Variants in TSC22D2 observed in about 807,000 individuals in gnomAD.
The protein encoded by TSC22D2 is TSC22 domain family protein 2.
In TSC22D2, 5 loss-of-function variants were observed where a neutral mutation model predicts 50.1. That is an observed-to-expected ratio of 0.10 (90% CI 0.05 to 0.21). The LOEUF is 0.21. Ranked by LOEUF, TSC22D2 falls within the 10% of genes least tolerant of loss-of-function variation. The pLI, the probability that TSC22D2 is intolerant of heterozygous loss-of-function variation, is 1.00. For synonymous variants in TSC22D2, 501 were observed against 450.1 expected (o/e 1.11, Z -1.43); for missense variants, 1,003 against 1,015.5 (o/e 0.99, Z 0.17).
chr3:150,438,430 G>A, intron 1 of TSC22D2: 1 of 186,240 alleles, frequency 5.4e-6, no homozygotes, highest in Non-Finnish European at 1.2e-5. Context: ...TGAACAAAAT[G>A]AGCACATTGT....
chr3:150,408,667 G>C lies in TSC22D2; in HGVS notation c.-684G>C, dbSNP rs1388167928. The C allele has an allele frequency of 1.3e-5, 2 of 152,470 alleles. No individual in the cohort carries two copies. The highest frequency in any genetic ancestry group is 4.8e-5 in the African/African-American group (2 of 41,442). The allele number at this position is 152,470 out of a possible 1,614,324, so 9.4% of individuals were successfully genotyped here. ...GAGCGGGTTTCCGCCTGAGGCAGTC[G>C]ACATGTCCCTGGGGCTGAGCTCCGG... On this transcript the variant is annotated 5_prime_UTR_variant, in exon 1 of 3. Transcript: ENST00000688009.
chr3:150,443,488 G>A (rs933927620), intron 1 of TSC22D2, among the ~76,000 whole-genome samples: 18 of 152,192 alleles, frequency 1.2e-4, no homozygotes, highest in African/African-American at 3.6e-4. Context: ...TCACAAGGAC[G>A]TTTCTCTACT....
chr3:150,442,491 C>T (rs2108090809), intron 1 of TSC22D2, among the ~76,000 whole-genome samples: 1 of 152,306 alleles, frequency 6.6e-6, no homozygotes, highest in South Asian at 2.1e-4. Flanking sequence ...ACTCCTAAGT[C>T]AGTGTTTCTT....
At chr3:150,422,919 G>A in intron 1 of TSC22D2, 1 of 598,054 alleles carries the variant, frequency 1.7e-6, no homozygotes, top group Non-Finnish European at 2.8e-6. Context: ...AACTTATGTG[G>A]TTTTAAAATC....
At chr3:150,454,922 T>C (rs928910754) in intron 1 of TSC22D2, among the ~76,000 whole-genome samples, 11 of 152,122 alleles carry the variant, frequency 7.2e-5, no homozygotes, top group African/African-American at 2.7e-4. Flanking sequence ...TATTCTTCCT[T>C]AGCTATGGGA....
In TSC22D2 at chr3:150,409,977, C is replaced by T; in HGVS notation, c.627C>T (p.Asp209=). ...GDCIRHSSTF[D]QTAERDSGLG... ...GCATTAGACACAGCAGTACTTTTGA[C>T]CAGACTGCGGAGCGGGACAGCGGCC... Residue 209 remains aspartate (D), a synonymous_variant, in exon 1 of 3, where the codon GAC becomes GAT. Coordinates refer to ENST00000688009, the MANE Select transcript of TSC22D2 (RefSeq NM_001303264.2). The surrounding 1 kb of genome is among the most constrained non-coding windows in gnomAD (Gnocchi z 7.4). 6.2e-7 allele frequency: 1 copy of T among 1,613,898 alleles called. No individual in the cohort carries two copies. Among genetic ancestry groups the T allele is most frequent in the Non-Finnish European group, 8.5e-7 (1 of 1,180,040 alleles).
intron 1 of TSC22D2, among the ~76,000 whole-genome samples, chr3:150,415,269 A>G (rs1391914721): frequency 6.6e-6 from 1 of 152,182 alleles, no homozygotes; most frequent in African/African-American, 2.4e-5. Flanking sequence ...TACTGTATAA[A>G]ATTTTATGTG....
chr3:150,422,252 G>C (rs1720034841), intron 1 of TSC22D2, among the ~76,000 whole-genome samples: 1 of 152,206 alleles, frequency 6.6e-6, no homozygotes. Context: ...AAGTTGCTGA[G>C]GAGGAGGGAA....
intron 1 of TSC22D2, among the ~76,000 whole-genome samples, chr3:150,452,014 CTCTTTTCTT>C (rs756069304): frequency 1.3e-3 from 195 of 152,228 alleles, no homozygotes; most frequent in Non-Finnish European, 1.8e-3. Context: ...GCTTTCTTTT[CTCTTTTCTT>C]TCTTTTCTTT....
At position 150,409,069 on chromosome 3, in the gene TSC22D2, A is replaced by C; in HGVS notation, c.-282A>C. On this transcript the variant is annotated 5_prime_UTR_variant, in exon 1 of 3. Transcript: ENST00000688009. The surrounding 1 kb of genome is among the most constrained non-coding windows in gnomAD (Gnocchi z 7.4). ...CTCTCGCCGCCTCTGAGGGAATTGA[A>C]TTGAGGCGCCGCGGCTGCGAGAGCT... 3.1e-6 allele frequency: 1 copy of C among 323,300 alleles called. No individual in the cohort carries two copies. The highest frequency in any genetic ancestry group is 5.7e-6 in the Non-Finnish European group (1 of 173,922). The allele number at this position is 323,300 out of a possible 1,614,324, so 20.0% of individuals were successfully genotyped here. A position where few individuals can be genotyped will look rare whatever the true frequency, so the allele number is the denominator to read the frequency against.
Position 150,409,650 on chromosome 3 carries a change from T to C in TSC22D2, c.300T>C (p.Ala100=). Residue 100 remains alanine, a synonymous_variant, in exon 1 of 3, where the codon GCT becomes GCC. Coordinates refer to ENST00000688009, the MANE Select transcript of TSC22D2 (RefSeq NM_001303264.2). This position sits in a 1 kb window ranked among gnomAD's most constrained non-coding sequence, Gnocchi z 7.4. ...GGCAGCTGGCAGCGGCGGCTGCTGCTCCCGCCAACGGAGGAGGAGTCGTTT... is the reference window on the plus strand; with the variant it reads ...GGCAGCTGGCAGCGGCGGCTGCTGCCCCCGCCAACGGAGGAGGAGTCGTTT... The part of the protein sequence containing the change: ...LDGQLAAAAA[A]PANGGGVVSA... 1 of 1,605,974 alleles carries C rather than the reference T, an allele frequency of 6.2e-7. No individual in the cohort carries two copies. Among genetic ancestry groups the C allele is most frequent in the Non-Finnish European group, 8.5e-7 (1 of 1,176,314 alleles).
At chr3:150,418,297 T>C (rs1010094082) in intron 1 of TSC22D2, among the ~76,000 whole-genome samples, 1 of 151,880 alleles carries the variant, frequency 6.6e-6, no homozygotes, top group Non-Finnish European at 1.5e-5. Flanking sequence ...ATGTATACTT[T>C]GACATACATT....
In TSC22D2 at chr3:150,409,150, G is replaced by A; in HGVS notation, c.-201G>A. On this transcript the variant is annotated 5_prime_UTR_variant, in exon 1 of 3. Transcript: ENST00000688009. This position sits in a 1 kb window ranked among gnomAD's most constrained non-coding sequence, Gnocchi z 7.4. The stretch of plus-strand genomic sequence containing the variant: ...AGACGGGGGCAGAGCCGAAGAGACC[G>A]ACACAGAGAAGGAAACGAGGAGGAG... The A allele has an allele frequency of 1.4e-5, 7 of 515,118 alleles. No homozygotes were observed. Among genetic ancestry groups the A allele is most frequent in the Non-Finnish European group, 2.4e-5 (7 of 293,790 alleles). The allele number at this position is 515,118 out of a possible 1,614,324, so 31.9% of individuals were successfully genotyped here.
chr3:150,411,212 C>A lies in TSC22D2; in HGVS notation c.1862C>A (p.Ala621Glu). 6.2e-7 allele frequency: 1 copy of A among 1,614,206 alleles called. No homozygotes were observed. Among genetic ancestry groups the A allele is most frequent in the Non-Finnish European group, 8.5e-7 (1 of 1,180,038 alleles). ...AAGCCTGTTGTGAAGCCGCCTGTTG[C>A]AGATTCCCTGGCAAACCCCCTTCAG... ...ENKPVVKPPV[A>E]DSLANPLQLT... Residue 621 changes from alanine (A) to glutamate (E), a missense_variant, in exon 1 of 3, where the codon GCA (alanine) becomes GAA (glutamate). Coordinates refer to ENST00000688009, the MANE Select transcript of TSC22D2 (RefSeq NM_001303264.2).
At chr3:150,417,227 A>G (rs1170378449) in intron 1 of TSC22D2, among the ~76,000 whole-genome samples, 1 of 152,172 alleles carries the variant, frequency 6.6e-6, no homozygotes, top group Non-Finnish European at 1.5e-5. Context: ...TAATGATGGC[A>G]TAGTTTTAAA....
Position 150,410,835 on chromosome 3 carries a change from A to G in TSC22D2, c.1485A>G (p.Val495=), listed in dbSNP as rs879709594. 3 of 1,613,592 alleles carry G rather than the reference A, an allele frequency of 1.9e-6. No individual in the cohort carries two copies. Among genetic ancestry groups the G allele is most frequent in the Non-Finnish European group, 1.7e-6 (2 of 1,179,982 alleles). Residue 495 remains valine (V), a synonymous_variant, in exon 1 of 3, where the codon GTA becomes GTG. Coordinates refer to ENST00000688009, the MANE Select transcript of TSC22D2 (RefSeq NM_001303264.2). The part of the protein sequence containing the change: ...QMGGSGPLSA[V]PGGPHAVVPG... ...GTGGCAGTGGTCCGCTGTCAGCCGT[A>G]CCTGGTGGCCCTCACGCCGTGGTGC...
Position 150,410,373 on chromosome 3 carries a change from G to C in TSC22D2, c.1023G>C (p.Gln341His). Residue 341 changes from glutamine (Q) to histidine (H), a missense_variant, in exon 1 of 3, where the codon CAG becomes CAC. Gln to His is a conservative substitution (Grantham distance 24, BLOSUM62 0). Coordinates refer to ENST00000688009, the MANE Select transcript of TSC22D2 (RefSeq NM_001303264.2). ...AGCCGGCTATGTCCCTGCCTCCGCA[G>C]CCGGGCCCTGCAGTGGGCGCCCCCG... ...LAQPAMSLPP[Q>H]PGPAVGAPAA... is the part of the protein sequence containing the mutation. The C allele has an allele frequency of 6.2e-7, 1 of 1,603,164 alleles. No homozygotes were observed. Among genetic ancestry groups the C allele is most frequent in the Non-Finnish European group, 8.5e-7 (1 of 1,175,436 alleles).
chr3:150,444,140 A>C (rs1056536196), intron 1 of TSC22D2, among the ~76,000 whole-genome samples: 1 of 152,134 alleles, frequency 6.6e-6, no homozygotes, highest in Non-Finnish European at 1.5e-5. Context: ...GGAACATCAA[A>C]AACCTACCTT....
At chr3:150,451,804 T>G (rs1721049372) in intron 1 of TSC22D2, among the ~76,000 whole-genome samples, 1 of 152,232 alleles carries the variant, frequency 6.6e-6, no homozygotes, top group Admixed American at 6.5e-5. Flanking sequence ...ATCTTGTTGA[T>G]TTGTTAATTA....
Sources: allele counts gnomAD v4.1 joint callset (sites outside exome capture counted in the v4.1 genomes callset), GRCh38; gene constraint gnomAD v4.1.1; non-coding constraint Gnocchi (gnomAD v3.1); transcripts MANE v1.5; gene names NCBI Gene and HGNC (gene_info 2026-07-23, HGNC 2026-07-21).